GPC5: variants seen among roughly 807,000 people sequenced by gnomAD.
GPC5 encodes glypican 5.
A neutral mutation model predicts 53.9 loss-of-function variants in GPC5; 47 were observed. The ratio of observed to expected loss-of-function variants is 0.87; its 90% CI spans 0.69 to 1.11. The LOEUF (loss-of-function observed/expected upper bound fraction) is 1.11, where lower values mean the gene tolerates loss of function less well. GPC5 is among the 50% of genes most tolerant of loss of function. The pLI, the probability that GPC5 is intolerant of heterozygous loss-of-function variation, is 0.00. For synonymous variants in GPC5, 286 were observed against 263.3 expected, an observed-to-expected ratio of 1.09 and a Z score of -0.84; for missense variants, 748 against 713.1, an observed-to-expected ratio of 1.05 and a Z score of -0.56.
intron 7 of GPC5, among the ~76,000 whole-genome samples, chr13:92,371,782 C>T (rs2043652515): frequency 6.6e-6 from 1 of 152,104 alleles, no homozygotes; most frequent in Non-Finnish European, 1.5e-5. Context: ...TTGGTCTCTC[C>T]CTAAACAAGT....
chr13:91,980,770 C>A (rs931417326), intron 6 of GPC5, among the ~76,000 whole-genome samples: 1 of 152,120 alleles, frequency 6.6e-6, no homozygotes, highest in South Asian at 2.1e-4. Context: ...CACCAGGATC[C>A]CCTGTCATGT....
At chr13:92,850,113 AC>A (rs1172313202) in intron 7 of GPC5, among the ~76,000 whole-genome samples, 1 of 152,148 alleles carries the variant, frequency 6.6e-6, no homozygotes, top group Non-Finnish European at 1.5e-5. Flanking sequence ...TAAATATACA[AC>A]CTTTTTTTTA....
At chr13:92,802,563 G>A (rs1238737059) in intron 7 of GPC5, among the ~76,000 whole-genome samples, 2 of 151,962 alleles carry the variant, frequency 1.3e-5, no homozygotes, top group East Asian at 3.9e-4. Context: ...GTCCAACAAT[G>A]ATAGACTGGA....
chr13:92,215,030 T>C (rs754955580), intron 7 of GPC5, among the ~76,000 whole-genome samples: 7 of 152,314 alleles, frequency 4.6e-5, no homozygotes, highest in Middle Eastern at 6.8e-3. Context: ...ATGAGACCTA[T>C]TCAAACTTCT....
rs554747014 is a variant in GPC5 at position 91,676,670 on chromosome 13, G to C, written c.326-16517G>C. 1.3e-3 allele frequency among the ~76,000 whole-genome samples: 192 copies of C among 152,232 alleles called. 1 individual carries two copies. The highest frequency in any genetic ancestry group is 4.2e-3 in the African/African-American group (175 of 41,544). On this transcript the variant is annotated intron_variant, in intron 2 of 7. Coordinates refer to ENST00000377067, the MANE Select transcript of GPC5 (RefSeq NM_004466.6). ...ATGTCTGAGTAACTTAATCATTCTGGAACAGTGAAACAGGCTTCGTGCTTT... is the reference window on the plus strand; with the variant it reads ...ATGTCTGAGTAACTTAATCATTCTGCAACAGTGAAACAGGCTTCGTGCTTT...
intron 7 of GPC5, among the ~76,000 whole-genome samples, chr13:92,548,126 A>ACT (rs1882190897): frequency 6.6e-6 from 1 of 151,668 alleles, no homozygotes; most frequent in South Asian, 2.1e-4. Flanking sequence ...GGCGTGAGCC[A>ACT]CTGCGCCCGG....
intron 1 of GPC5, 139 bp downstream of exon 1, chr13:91,399,348 C>T: frequency 9.6e-7 from 1 of 1,037,014 alleles, no homozygotes; most frequent in South Asian, 1.7e-5. Flanking sequence ...GGGAGGCTTC[C>T]GGGGATGCTT....
At chr13:92,438,636 G>C (rs576929731) in intron 7 of GPC5, among the ~76,000 whole-genome samples, 4 of 152,028 alleles carry the variant, frequency 2.6e-5, no homozygotes, top group Non-Finnish European at 5.9e-5. Context: ...GAACTTGAGC[G>C]AGTGAGACCA....
At chr13:92,321,284 G>C (rs2043213738) in intron 7 of GPC5, among the ~76,000 whole-genome samples, 1 of 152,192 alleles carries the variant, frequency 6.6e-6, no homozygotes, top group South Asian at 2.1e-4. Context: ...AAGAGCTGAA[G>C]TTAAAGATGA....
Position 92,323,923 on chromosome 13 carries a change from C to T in GPC5, c.1561+178934C>T, listed in dbSNP as rs1000250387. Among the ~76,000 whole-genome samples the T allele has an allele frequency of 7.9e-5, 12 of 151,866 alleles. 1 individual carries two copies. The highest frequency in any genetic ancestry group is 1.6e-4 in the Non-Finnish European group (11 of 67,842). ...CTCATATCAAAAAAATAATACTTTA[C>T]ACAATTTGCATAAAGATGAGTTGGT... On this transcript the variant is annotated intron_variant, in intron 7 of 7. Coordinates refer to ENST00000377067, the MANE Select transcript of GPC5 (RefSeq NM_004466.6).
chr13:91,516,507 C>T (rs1048526160), intron 2 of GPC5, among the ~76,000 whole-genome samples: 2 of 152,228 alleles, frequency 1.3e-5, no homozygotes, highest in Non-Finnish European at 2.9e-5. Flanking sequence ...AGCCCCACTC[C>T]TGTGGCTTTG....
intron 5 of GPC5, among the ~76,000 whole-genome samples, chr13:91,820,245 T>C (rs756218315): frequency 2.6e-5 from 4 of 152,194 alleles, no homozygotes; most frequent in African/African-American, 9.6e-5. Flanking sequence ...TATAATGGAA[T>C]TTATTAATCA....
chr13:91,769,817 C>T lies in GPC5; in HGVS notation c.1280+13397C>T, dbSNP rs573841960. Among the ~76,000 whole-genome samples the T allele has an allele frequency of 7.0e-4, 107 of 152,272 alleles. 1 individual carries two copies. In the Middle Eastern group the frequency reaches 0.017, roughly 24 times the overall value. On this transcript the variant is annotated intron_variant, in intron 5 of 7. Coordinates refer to ENST00000377067, the MANE Select transcript of GPC5 (RefSeq NM_004466.6). Reference sequence around the variant, plus strand: ...TATTCACACTCAACACAGAACAATTCTGTGACCAGAAGTGTGGGAGTTTCT... The same window carrying T: ...TATTCACACTCAACACAGAACAATTTTGTGACCAGAAGTGTGGGAGTTTCT...
intron 7 of GPC5, among the ~76,000 whole-genome samples, chr13:92,626,436 A>G (rs920089741): frequency 6.6e-5 from 10 of 152,072 alleles, no homozygotes; most frequent in Non-Finnish European, 1.5e-4. Context: ...GCTATGAGGG[A>G]GTTTTAAATG....
intron 5 of GPC5, among the ~76,000 whole-genome samples, chr13:91,876,354 T>G (rs2039201581): frequency 6.6e-6 from 1 of 152,096 alleles, no homozygotes; most frequent in African/African-American, 2.4e-5. Context: ...TGTGGGAAAG[T>G]TTGGAACTTC....
intron 7 of GPC5, among the ~76,000 whole-genome samples, chr13:92,433,252 T>A (rs1306783980): frequency 6.6e-6 from 1 of 151,982 alleles, no homozygotes; most frequent in East Asian, 1.9e-4. Flanking sequence ...CATTCTTCAC[T>A]GTAGCCTGAG....
chr13:92,004,489 T>TATAA (rs1440395882), intron 6 of GPC5, among the ~76,000 whole-genome samples: 17 of 122,714 alleles, frequency 1.4e-4, no homozygotes, highest in African/African-American at 5.2e-4. Context: ...TATATATATA[T>TATAA]AATTACACTA....
At chr13:91,934,257 T>G (rs1037151614) in intron 6 of GPC5, among the ~76,000 whole-genome samples, 30 of 151,878 alleles carry the variant, frequency 2.0e-4, no homozygotes, top group African/African-American at 6.5e-4. Context: ...GTTTTAAAAA[T>G]AATTAATTGA....
At chr13:92,307,253 T>G (rs1566530811) in intron 7 of GPC5, among the ~76,000 whole-genome samples, 1 of 152,064 alleles carries the variant, frequency 6.6e-6, no homozygotes, top group Non-Finnish European at 1.5e-5. Flanking sequence ...ATTTGTGGAG[T>G]TTGAGACCAG....
Sources: allele counts gnomAD v4.1 joint callset (sites outside exome capture counted in the v4.1 genomes callset), GRCh38; gene constraint gnomAD v4.1.1; transcripts MANE v1.5; gene names NCBI Gene and HGNC (gene_info 2026-07-23, HGNC 2026-07-21).